LPA: variants seen among roughly 807,000 people sequenced by gnomAD.
LPA encodes lipoprotein(a), also known as apolipoprotein(a).
A neutral mutation model predicts 197.9 loss-of-function variants in LPA; 199 were observed. The ratio of observed to expected loss-of-function variants is 1.01; its 90% CI spans 0.90 to 1.13. The LOEUF (loss-of-function observed/expected upper bound fraction) is 1.13, where lower values mean the gene tolerates loss of function less well. Ranked by LOEUF, LPA falls within the 50% of genes most tolerant of loss-of-function variation. The probability of loss-of-function intolerance (pLI) is 0.00; values close to 1 mark genes in which losing one functional copy is unlikely to be tolerated. For missense variants in LPA, 1,853 were observed against 1,785.8 expected (o/e 1.04, Z -0.68); for synonymous variants, 715 against 639.5 (o/e 1.12, Z -1.78).
intron 23 of LPA, among the ~76,000 whole-genome samples, chr6:160,590,008 G>A (rs984108194): frequency 5.3e-5 from 8 of 152,204 alleles, no homozygotes; most frequent in Non-Finnish European, 1.2e-4. Context: ...TCTCTTTTGG[G>A]TGTTCCTGAG....
chr6:160,576,164 C>T (rs575024754), intron 28 of LPA, among the ~76,000 whole-genome samples: 2 of 151,286 alleles, frequency 1.3e-5, no homozygotes, highest in South Asian at 2.1e-4. Context: ...TATGCTTATA[C>T]CTGCTTTTTG....
At chr6:160,648,308 T>A (rs1779940871) in intron 2 of LPA, among the ~76,000 whole-genome samples, 2 of 152,188 alleles carry the variant, frequency 1.3e-5, no homozygotes. Flanking sequence ...TGAACTGCTA[T>A]GTACCCAGTG....
chr6:160,587,652 TC>T (rs892674026), intron 24 of LPA, among the ~76,000 whole-genome samples: 1 of 152,156 alleles, frequency 6.6e-6, no homozygotes, highest in Non-Finnish European at 1.5e-5. Flanking sequence ...TGTCATGATA[TC>T]TTTTTCTTCT....
intron 23 of LPA, among the ~76,000 whole-genome samples, chr6:160,590,606 T>C (rs1455284789): frequency 1.3e-5 from 2 of 152,202 alleles, no homozygotes; most frequent in East Asian, 3.9e-4. Context: ...CAGGAAAGGC[T>C]CATGATGAGC....
intron 16 of LPA, among the ~76,000 whole-genome samples, chr6:160,611,052 T>C (rs1779496803): frequency 6.6e-6 from 1 of 152,240 alleles, no homozygotes; most frequent in African/African-American, 2.4e-5. Context: ...TGGGAACCTC[T>C]ATCCTTTCAG....
At position 160,635,207 on chromosome 6, in the gene LPA, T is replaced by TC. The variant is rs1779790441; in HGVS notation, c.990dup (p.Thr331AspfsTer32). 7.1e-7 allele frequency: 1 copy of TC among 1,401,554 alleles called. No homozygotes were observed. Among genetic ancestry groups the TC allele is most frequent in the African/African-American group, 1.7e-5 (1 of 58,090 alleles). The allele number at this position is 1,401,554 out of a possible 1,614,324, so 86.8% of individuals were successfully genotyped here. On this transcript the variant is annotated frameshift_variant, in exon 7 of 39. Transcript: ENST00000316300. LOFTEE classifies it high-confidence loss of function. The stretch of plus-strand genomic sequence containing the variant: ...GTCCCTTCTGCGTCTGAGCATTGCG[T>TC]CAGGTTGCAGTACTCCCACCTGACA...
chr6:160,576,390 G>A (rs9365175), intron 28 of LPA, among the ~76,000 whole-genome samples: 4,892 of 43,916 alleles, frequency 0.11, 289 homozygotes, highest in East Asian at 0.29. Flanking sequence ...ATATATATAT[G>A]TATATATATA....
chr6:160,611,009 T>C (rs1202204650), intron 16 of LPA, among the ~76,000 whole-genome samples: 7 of 152,202 alleles, frequency 4.6e-5, no homozygotes, highest in Non-Finnish European at 1.0e-4. Flanking sequence ...GTGCTGACTC[T>C]CATCTGCCTT....
intron 26 of LPA, among the ~76,000 whole-genome samples, chr6:160,584,391 G>A (rs532081090): frequency 3.1e-4 from 45 of 146,456 alleles, no homozygotes; most frequent in Non-Finnish European, 5.7e-4. Context: ...GAGTGCAGTG[G>A]CATGTTCTCG....
At chr6:160,664,086 C>T (rs1048072768) in intron 1 of LPA, 80 bp downstream of exon 1, 1 of 1,244,058 alleles carries the variant, frequency 8.0e-7, no homozygotes. Context: ...ATGAATTGCA[C>T]ATAAAGCCAT....
chr6:160,568,943 T>C (rs940497554), intron 28 of LPA, among the ~76,000 whole-genome samples: 6 of 152,098 alleles, frequency 3.9e-5, no homozygotes, highest in African/African-American at 1.4e-4. Flanking sequence ...AAGGACCTCT[T>C]CAAGGAGAAC....
At chr6:160,609,233 GT>G (rs1331645968) in intron 16 of LPA, among the ~76,000 whole-genome samples, 1 of 151,926 alleles carries the variant, frequency 6.6e-6, no homozygotes, top group African/African-American at 2.4e-5. Context: ...CAGTTTCTTT[GT>G]TTTGGGCAGT....
rs1583582632 is a variant in LPA at position 160,565,918 on chromosome 6, A to C, written c.4632-8347T>G. 1.3e-5 allele frequency among the ~76,000 whole-genome samples: 2 copies of C among 152,346 alleles called. 1 individual carries two copies. Among genetic ancestry groups the C allele is most frequent in the East Asian group, 3.9e-4 (2 of 5,182 alleles). On this transcript the variant is annotated intron_variant, in intron 28 of 38. Coordinates refer to ENST00000316300, the MANE Select transcript of LPA (RefSeq NM_005577.4). ...AGTAGTTGATTCAATCAAGTGGAAG[A>C]AAGGGTATCAGTGATTAAAGATCAA...
intron 2 of LPA, among the ~76,000 whole-genome samples, chr6:160,647,859 G>A (rs9295130): frequency 0.4 from 60,960 of 151,978 alleles, 12,537 homozygotes; most frequent in African/African-American, 0.49. Context: ...AGATATAAAC[G>A]TTTGATCAAG....
chr6:160,641,041 T>G lies in LPA; in HGVS notation c.552-193A>C, dbSNP rs529207266. ...CTCTCTGCACATCTCTCATACTTAA[T>G]AGATTATTACTATTTTTTTAAATAA... is the stretch of plus-strand genomic sequence containing the variant. On this transcript the variant is annotated intron_variant, in intron 4 of 38. Transcript: ENST00000316300. Among the ~76,000 whole-genome samples, 6 of 139,026 alleles carry G rather than the reference T, an allele frequency of 4.3e-5. 1 individual carries two copies. The highest frequency in any genetic ancestry group is 1.7e-4 in the African/African-American group (6 of 34,850). The allele number at this position is 139,026 out of a possible 152,430, so 91.2% of individuals were successfully genotyped here.
At chr6:160,648,700 G>A (rs1779950308) in intron 2 of LPA, among the ~76,000 whole-genome samples, 1 of 151,956 alleles carries the variant, frequency 6.6e-6, no homozygotes, top group African/African-American at 2.4e-5. Flanking sequence ...ACTAGATGGG[G>A]AGGCCATCTA....
chr6:160,587,801 T>G (rs148709322), intron 24 of LPA, among the ~76,000 whole-genome samples: 2,277 of 79,558 alleles, frequency 0.029, 34 homozygotes, highest in Middle Eastern at 0.14. Flanking sequence ...GTGTGTGTGT[T>G]TCTGTCTGTT....
intron 16 of LPA, among the ~76,000 whole-genome samples, chr6:160,610,226 G>A (rs1278433258): frequency 1.3e-5 from 2 of 152,178 alleles, no homozygotes; most frequent in Non-Finnish European, 1.5e-5. Context: ...CATAGCTGAG[G>A]CAATTGACTT....
chr6:160,562,752 A>G (rs1778384350), intron 28 of LPA, among the ~76,000 whole-genome samples: 1 of 152,078 alleles, frequency 6.6e-6, no homozygotes, highest in Non-Finnish European at 1.5e-5. Flanking sequence ...AGAACTTGTT[A>G]TTGGTCTATT....
Sources: gnomAD v4.1 joint callset for allele counts (sites outside exome capture counted in the v4.1 genomes callset) on GRCh38, gnomAD v4.1.1 for gene constraint, MANE v1.5 for transcripts, NCBI Gene and HGNC (gene_info 2026-07-23, HGNC 2026-07-21) for gene names.